Variants in JAK2 observed in about 807,000 individuals in gnomAD.
JAK2 encodes the protein tyrosine-protein kinase JAK2.
In JAK2, 86 loss-of-function variants were observed where a neutral mutation model predicts 139.3. That is an observed-to-expected ratio of 0.62 (90% CI 0.52 to 0.74). The LOEUF (loss-of-function observed/expected upper bound fraction) is 0.74, where lower values mean the gene tolerates loss of function less well. Ranked by LOEUF, JAK2 falls within the 30% of genes least tolerant of loss-of-function variation. JAK2 has a pLI of 0.00. For missense variants in JAK2, 1,421 were observed against 1,360.3 expected, an observed-to-expected ratio of 1.04 and a Z score of -0.70; for synonymous variants, 490 against 437.7, an observed-to-expected ratio of 1.12 and a Z score of -1.49.
intron 4 of JAK2, chr9:5,041,804 G>T (rs1366738967): frequency 2.1e-6 from 1 of 485,574 alleles, no homozygotes; most frequent in Non-Finnish European, 4.1e-6. Flanking sequence ...AAGATCAGCC[G>T]CACAGCAAAA....
chr9:5,080,897 T>C (rs1005404228), intron 18 of JAK2, among the ~76,000 whole-genome samples: 9 of 75,868 alleles, frequency 1.2e-4, no homozygotes, highest in Admixed American at 8.3e-4. Context: ...CTTTTCTTTT[T>C]TTTTTTTTTT....
chr9:5,098,591 A>G (rs562331356), intron 22 of JAK2: 2 of 152,354 alleles, frequency 1.3e-5, no homozygotes, highest in Non-Finnish European at 2.9e-5. Flanking sequence ...CGTATTCTGT[A>G]TAAAACAGAT....
rs762570559 is a variant in JAK2, at chr9:5,022,129, G to C, written c.142G>C (p.Gly48Arg). 2 of 1,614,054 alleles carry C rather than the reference G, an allele frequency of 1.2e-6. No individual in the cohort carries two copies. Among genetic ancestry groups the C allele is most frequent in the Non-Finnish European group, 1.7e-6 (2 of 1,179,986 alleles). The change falls in exon 3 of 25, where the codon GGG (glycine) becomes CGG (arginine). Residue 48 changes from glycine (G) to arginine (R), a missense_variant. Physicochemically the swap from Gly to Arg is moderately radical, Grantham distance 125 (BLOSUM62 -2). Transcript: ENST00000381652. ...VLQVYLYHSL[G>R]KSEADYLTFP... The stretch of plus-strand genomic sequence containing the variant: ...TCAGGTGTATCTTTACCATTCCCTT[G>C]GGAAATCTGAGGCAGATTATCTGAC...
At chr9:5,061,486 T>G (rs1016932693) in intron 8 of JAK2, among the ~76,000 whole-genome samples, 3 of 152,244 alleles carry the variant, frequency 2.0e-5, no homozygotes, top group African/African-American at 7.2e-5. Flanking sequence ...GCACATGGCT[T>G]CTTTTCTTAA....
chr9:4,989,377 T>C (rs867892651), intron 2 of JAK2, among the ~76,000 whole-genome samples: 1 of 152,200 alleles, frequency 6.6e-6, no homozygotes. Context: ...AGTTGTTTGA[T>C]AGTTATTTCC....
At chr9:5,045,997 C>G (rs898055262) in intron 5 of JAK2, among the ~76,000 whole-genome samples, 7 of 152,118 alleles carry the variant, frequency 4.6e-5, no homozygotes, top group African/African-American at 1.7e-4. Context: ...ATTTTTCAGT[C>G]CTACCAGCAG....
chr9:4,988,937 C>G (rs966546924), intron 2 of JAK2, among the ~76,000 whole-genome samples: 2 of 152,144 alleles, frequency 1.3e-5, no homozygotes, highest in Non-Finnish European at 2.9e-5. Context: ...CATATCTCTG[C>G]TTTCCCTCCT....
chr9:5,064,012 C>T (rs144705396), intron 8 of JAK2, among the ~76,000 whole-genome samples: 10 of 151,574 alleles, frequency 6.6e-5, no homozygotes, highest in South Asian at 2.1e-4. Context: ...AAAAATTAGC[C>T]GGGCGTCTTG....
Position 5,050,684 on chromosome 9 carries a change from A to G in JAK2, c.469-2A>G, listed in dbSNP as rs557601410. 3 of 1,610,276 alleles carry G rather than the reference A, an allele frequency of 1.9e-6. No homozygotes were observed. The highest frequency in any genetic ancestry group is 2.2e-5 in the East Asian group (1 of 44,856). ...ATATTTCCTTCAAATTTTTGGTTTT[A>G]GTGGCGGCATGATTTTGTGCACGGA... On this transcript the variant is annotated splice_acceptor_variant, in intron 5 of 24. Transcript: ENST00000381652. LOFTEE classifies it high-confidence loss of function.
intron 22 of JAK2, among the ~76,000 whole-genome samples, chr9:5,117,807 G>T (rs1212324723): frequency 6.6e-6 from 1 of 152,116 alleles, no homozygotes; most frequent in Non-Finnish European, 1.5e-5. Flanking sequence ...GAGATCAAAA[G>T]CTTTGAGAAC....
chr9:5,014,446 A>T (rs915613099), intron 2 of JAK2, among the ~76,000 whole-genome samples: 1 of 152,232 alleles, frequency 6.6e-6, no homozygotes, highest in East Asian at 1.9e-4. Context: ...AGTAAATAAT[A>T]CATTAAGGTT....
intron 19 of JAK2, chr9:5,085,022 T>G: frequency 1.2e-6 from 1 of 837,920 alleles, no homozygotes; most frequent in Non-Finnish European, 2.0e-6. Flanking sequence ...GTACAATTTC[T>G]GAAAGTTGAA....
At chr9:4,995,402 C>T (rs182426794) in intron 2 of JAK2, among the ~76,000 whole-genome samples, 118 of 152,260 alleles carry the variant, frequency 7.7e-4, no homozygotes, top group African/African-American at 2.7e-3. Flanking sequence ...TTGAGATTCT[C>T]CCTTGTTTTC....
Position 5,090,813 on chromosome 9 carries a change from G to A in JAK2, c.2961G>A (p.Glu987=). 1 of 1,613,572 alleles carries A rather than the reference G, an allele frequency of 6.2e-7. No individual in the cohort carries two copies. Among genetic ancestry groups the A allele is most frequent in the Non-Finnish European group, 8.5e-7 (1 of 1,179,654 alleles). ...LATRNILVEN[E]NRVKIGDFGL... is the part of the protein sequence containing the mutation. ...CGAGAAATATATTGGTGGAGAACGA[G>A]AACAGAGTTAAAATTGGAGATTTTG... is the stretch of plus-strand genomic sequence containing the variant. The change falls in exon 22 of 25, where the codon GAG becomes GAA. Residue 987 remains glutamate, a synonymous_variant. Transcript: ENST00000381652.
chr9:5,029,335 G>A (rs558218458), intron 3 of JAK2, among the ~76,000 whole-genome samples: 1 of 152,158 alleles, frequency 6.6e-6, no homozygotes, highest in African/African-American at 2.4e-5. Flanking sequence ...GGTTCATAGC[G>A]GCCCCAAATG....
At chr9:4,992,815 C>A (rs1464266100) in intron 2 of JAK2, among the ~76,000 whole-genome samples, 1 of 152,176 alleles carries the variant, frequency 6.6e-6, no homozygotes, top group African/African-American at 2.4e-5. Context: ...GCAAGGTAGG[C>A]ACAGTCTGTA....
chr9:5,024,599 A>G (rs2130101276), intron 3 of JAK2, among the ~76,000 whole-genome samples: 1 of 152,164 alleles, frequency 6.6e-6, no homozygotes, highest in East Asian at 1.9e-4. Context: ...AATGCTTTTC[A>G]GTGCTGTCAT....
At chr9:5,060,257 C>T (rs1281255351) in intron 8 of JAK2, among the ~76,000 whole-genome samples, 1 of 152,162 alleles carries the variant, frequency 6.6e-6, no homozygotes, top group Non-Finnish European at 1.5e-5. Flanking sequence ...AGTGTGGTGG[C>T]TGCTTAAGGT....
At chr9:5,100,516 T>C (rs1036933954) in intron 22 of JAK2, 4 of 152,232 alleles carry the variant, frequency 2.6e-5, no homozygotes, top group African/African-American at 9.6e-5. Context: ...GTATTCTTCT[T>C]TGCTGGTTTC....
Sources: allele counts gnomAD v4.1 joint callset (sites outside exome capture counted in the v4.1 genomes callset), GRCh38; gene constraint gnomAD v4.1.1; transcripts MANE v1.5; gene names NCBI Gene and HGNC (gene_info 2026-07-23, HGNC 2026-07-21).